Variants in SLC7A7 observed in about 807,000 individuals in gnomAD.
SLC7A7 encodes Y+L amino acid transporter 1.
In SLC7A7, 39 loss-of-function variants were observed where a neutral mutation model predicts 47.9. That is an observed-to-expected ratio of 0.81 (90% confidence interval 0.63 to 1.06). The LOEUF is 1.06. Ranked by LOEUF, SLC7A7 falls within the 50% of genes least tolerant of loss-of-function variation. The pLI is 0.00. For synonymous variants in SLC7A7, 234 were observed against 242.8 expected (o/e 0.96, Z 0.34); for missense variants, 588 against 632.0 (o/e 0.93, Z 0.75).
At chr14:22,780,610 G>C (rs926259063) in intron 2 of SLC7A7, 2 of 160,148 alleles carry the variant, frequency 1.2e-5, no homozygotes, top group African/African-American at 2.4e-5. Context: ...TGCTTGGAAA[G>C]ATTCTTGCAG....
intron 1 of SLC7A7, among the ~76,000 whole-genome samples, chr14:22,813,884 G>A (rs1314551560): frequency 2.7e-5 from 4 of 148,802 alleles, no homozygotes; most frequent in East Asian, 2.0e-4. Flanking sequence ...TCCGCCTCCC[G>A]GGTTCAAGTG....
chr14:22,803,402 A>G (rs558856948), intron 2 of SLC7A7, among the ~76,000 whole-genome samples: 2 of 152,146 alleles, frequency 1.3e-5, no homozygotes, highest in Non-Finnish European at 2.9e-5. Context: ...TGGGCAACAG[A>G]GCGAGACACC....
chr14:22,775,500 C>T lies in SLC7A7; in HGVS notation c.1039G>A (p.Ala347Thr), dbSNP rs749885602. The change falls in exon 7 of 10, where the codon GCC becomes ACC. Residue 347 changes from alanine to threonine, a missense_variant. By Grantham distance (58) the Ala-to-Thr change is moderately conservative (BLOSUM62 0). Transcript: ENST00000674313. Reference protein sequence around the residue: ...VGSREGHLPDAICMIHVERFT... With the variant: ...VGSREGHLPDTICMIHVERFT... ...CGCTCAACATGGATCATGCAGATGGCATCAGGGAGATGGCCTTCTCTTGAG... is the reference window on the plus strand; with the variant it reads ...CGCTCAACATGGATCATGCAGATGGTATCAGGGAGATGGCCTTCTCTTGAG... 8.7e-6 allele frequency: 14 copies of T among 1,614,058 alleles called. No individual in the cohort carries two copies. The highest frequency in any genetic ancestry group is 1.1e-5 in the South Asian group (1 of 91,090).
chr14:22,776,050 G>T, intron 5 of SLC7A7, 114 bp from the exon 6 acceptor site: 1 of 1,417,074 alleles, frequency 7.1e-7, no homozygotes, highest in Non-Finnish European at 1.0e-6. Context: ...TCCACAGTGG[G>T]GTTAACAGGA....
chr14:22,776,161 C>G (rs770793157), intron 5 of SLC7A7, 34 bp downstream of exon 5: 3 of 1,614,136 alleles, frequency 1.9e-6, no homozygotes, highest in Non-Finnish European at 2.5e-6. Context: ...CCCCACAAGA[C>G]ACCCTCAACC....
intron 2 of SLC7A7, among the ~76,000 whole-genome samples, chr14:22,792,248 T>C (rs2038936678): frequency 6.6e-6 from 1 of 152,138 alleles, no homozygotes; most frequent in South Asian, 2.1e-4. Flanking sequence ...GGCCTTCAAA[T>C]TATTTTACCT....
intron 2 of SLC7A7, among the ~76,000 whole-genome samples, chr14:22,795,807 C>T (rs2039013223): frequency 6.6e-6 from 1 of 152,144 alleles, no homozygotes; most frequent in Admixed American, 6.6e-5. Flanking sequence ...TTCCAATCCA[C>T]AGCCAGAGTT....
At chr14:22,802,435 CAAAA>C (rs11361255) in intron 2 of SLC7A7, among the ~76,000 whole-genome samples, 1 of 151,100 alleles carries the variant, frequency 6.6e-6, no homozygotes, top group African/African-American at 2.4e-5. Flanking sequence ...AACAAACAAA[CAAAA>C]AAAATATTTA....
intron 2 of SLC7A7, among the ~76,000 whole-genome samples, chr14:22,794,346 CTCAG>C: frequency 6.6e-6 from 1 of 152,200 alleles, no homozygotes; most frequent in South Asian, 2.1e-4. Flanking sequence ...CTTCCTGGAA[CTCAG>C]TCAGCACTTT....
Position 22,779,849 on chromosome 14 carries a change from C to T in SLC7A7, c.625+77G>A. 3 of 1,313,562 alleles carry T rather than the reference C, an allele frequency of 2.3e-6. No homozygotes were observed. The South Asian group carries it at 3.6e-5, about 16-fold the overall frequency. 81.4% of individuals were successfully genotyped at this position (1,313,562 alleles called of 1,614,324 possible). On this transcript the variant is annotated intron_variant, in intron 3 of 9. Coordinates refer to ENST00000674313, the MANE Select transcript of SLC7A7 (RefSeq NM_003982.4). ...GGTTATAGTAAGAAATGAGATAATG[C>T]ACAAAGAGCACTTAGAGGAGTGCGG...
intron 2 of SLC7A7, among the ~76,000 whole-genome samples, chr14:22,808,090 C>T (rs1415186418): frequency 6.6e-6 from 1 of 150,998 alleles, no homozygotes; most frequent in East Asian, 2.0e-4. Context: ...TAACTTGGGA[C>T]ATGGAGGTTG....
At chr14:22,798,869 C>G (rs908208704) in intron 2 of SLC7A7, among the ~76,000 whole-genome samples, 2 of 152,108 alleles carry the variant, frequency 1.3e-5, no homozygotes, top group African/African-American at 4.8e-5. Context: ...AACCTGCCAC[C>G]TCTGGTATGC....
At chr14:22,785,353 C>T (rs1039223183) in intron 2 of SLC7A7, among the ~76,000 whole-genome samples, 3 of 152,222 alleles carry the variant, frequency 2.0e-5, no homozygotes, top group African/African-American at 7.2e-5. Context: ...CCAGCTTCTA[C>T]CAGTAGTGCC....
intron 2 of SLC7A7, among the ~76,000 whole-genome samples, chr14:22,808,689 A>C (rs2039252583): frequency 6.6e-6 from 1 of 152,206 alleles, no homozygotes; most frequent in East Asian, 1.9e-4. Context: ...TGAAGGAATA[A>C]ACCCATGAAT....
chr14:22,801,387 C>T (rs5027249), intron 2 of SLC7A7, among the ~76,000 whole-genome samples: 103,874 of 151,834 alleles, frequency 0.68, 37,341 homozygotes, highest in Middle Eastern at 0.79. Context: ...GGTATCAGCT[C>T]AAACTTCTAC....
intron 2 of SLC7A7, among the ~76,000 whole-genome samples, chr14:22,805,077 G>A (rs936696144): frequency 4.0e-5 from 6 of 150,694 alleles, no homozygotes; most frequent in African/African-American, 1.2e-4. Context: ...CAGAGAAAAA[G>A]GAACACCTGG....
intron 2 of SLC7A7, among the ~76,000 whole-genome samples, chr14:22,785,498 C>T (rs772583684): frequency 6.6e-6 from 1 of 151,830 alleles, no homozygotes; most frequent in African/African-American, 2.4e-5. Context: ...GAGGCCAAGG[C>T]GGGCAGATCA....
At chr14:22,817,730 G>A (rs1016270597), upstream of SLC7A7, among the ~76,000 whole-genome samples, 4 of 152,286 alleles carry the variant, frequency 2.6e-5, no homozygotes, top group Non-Finnish European at 4.4e-5. Flanking sequence ...ACCTGCTTCT[G>A]CCTCCCAAAG....
intron 2 of SLC7A7, among the ~76,000 whole-genome samples, chr14:22,787,392 C>CCT (rs2038835798): frequency 6.6e-6 from 1 of 150,820 alleles, no homozygotes; most frequent in Non-Finnish European, 1.5e-5. Context: ...GCCAAGATTA[C>CCT]ACCACTACAC....
Sources: allele counts gnomAD v4.1 joint callset (sites outside exome capture counted in the v4.1 genomes callset), GRCh38; gene constraint gnomAD v4.1.1; transcripts MANE v1.5; gene names NCBI Gene and HGNC (gene_info 2026-07-23, HGNC 2026-07-21).